STRN: variants seen among roughly 807,000 people sequenced by gnomAD.
STRN encodes striatin, also known as protein phosphatase 2 regulatory subunit B'''alpha.
STRN carries 53 observed loss-of-function variants against 96.3 expected under a neutral mutation model. The ratio of observed to expected loss-of-function variants is 0.55; its 90% CI spans 0.44 to 0.69. STRN has a LOEUF of 0.69. Ranked by LOEUF, STRN falls within the 30% of genes least tolerant of loss-of-function variation. The pLI, the probability that STRN is intolerant of heterozygous loss-of-function variation, is 0.00. For missense variants in STRN, 987 were observed against 963.9 expected, an observed-to-expected ratio of 1.02 and a Z score of -0.32; for synonymous variants, 428 against 355.9, an observed-to-expected ratio of 1.20 and a Z score of -2.28.
At chr2:36,961,896 C>T (rs1440703517) in intron 1 of STRN, among the ~76,000 whole-genome samples, 2 of 152,160 alleles carry the variant, frequency 1.3e-5, no homozygotes, top group South Asian at 2.1e-4. Context: ...ATATTCCAAG[C>T]GTGCTCCCTT....
chr2:36,889,930 C>T (rs888083), intron 7 of STRN, among the ~76,000 whole-genome samples: 60,858 of 151,964 alleles, frequency 0.4, 12,500 homozygotes, highest in East Asian at 0.54. Context: ...GTAAAATGTA[C>T]ACACATGTAT....
chr2:36,870,458 C>T (rs74448668), intron 10 of STRN, among the ~76,000 whole-genome samples: 2,223 of 152,214 alleles, frequency 0.015, 32 homozygotes, highest in Non-Finnish European at 0.021. Context: ...AAAGTACAAT[C>T]ATGTGCCACA....
rs558728709 is a variant in STRN, at chr2:36,871,277, C to T, written c.1324-1548G>A. Among the ~76,000 whole-genome samples the T allele has an allele frequency of 2.6e-5, 4 of 152,298 alleles. No individual in the cohort carries two copies. In the East Asian group the frequency reaches 7.7e-4, roughly 29 times the overall value. On this transcript the variant is annotated intron_variant, in intron 10 of 17. Transcript: ENST00000263918. ...CTCATCACTCACTCACTGACTCATT[C>T]AGAGCAACTTTCAGTCCTGCAAGCT...
chr2:36,859,071 G>A (rs1352778870), intron 13 of STRN, among the ~76,000 whole-genome samples: 1 of 152,198 alleles, frequency 6.6e-6, no homozygotes, highest in East Asian at 1.9e-4. Context: ...AGTATTACTG[G>A]AGTGTGGACT....
chr2:36,859,620 G>A (rs770387063), intron 13 of STRN, among the ~76,000 whole-genome samples: 21 of 152,214 alleles, frequency 1.4e-4, no homozygotes, highest in Non-Finnish European at 2.4e-4. Flanking sequence ...AAGTACAGAT[G>A]TAGATTCAGT....
At chr2:36,930,820 G>A (rs750798283) in intron 1 of STRN, among the ~76,000 whole-genome samples, 24 of 152,018 alleles carry the variant, frequency 1.6e-4, no homozygotes, top group Non-Finnish European at 3.5e-4. Flanking sequence ...ATCACTTGAG[G>A]TCAGGAGTTC....
intron 1 of STRN, among the ~76,000 whole-genome samples, chr2:36,941,414 A>T (rs1670841523): frequency 6.6e-6 from 1 of 152,178 alleles, no homozygotes; most frequent in African/African-American, 2.4e-5. Flanking sequence ...AGTAATGTTC[A>T]AAGCTGTTAA....
chr2:36,899,323 G>A (rs1260390269), intron 6 of STRN, among the ~76,000 whole-genome samples, 200 bp downstream of exon 6: 2 of 152,126 alleles, frequency 1.3e-5, no homozygotes, highest in African/African-American at 4.8e-5. Context: ...GTCAAACAGT[G>A]AGGAATTTCA....
chr2:36,899,159 T>C (rs1331526483), intron 6 of STRN, among the ~76,000 whole-genome samples: 2 of 152,294 alleles, frequency 1.3e-5, no homozygotes, highest in Non-Finnish European at 2.9e-5. Flanking sequence ...CTGCATATAT[T>C]AGAGCTGATG....
Position 36,892,983 on chromosome 2 carries a change from G to A in STRN, c.931+915C>T, listed in dbSNP as rs1293178236. On this transcript the variant is annotated intron_variant, in intron 7 of 17. Coordinates refer to ENST00000263918, the MANE Select transcript of STRN (RefSeq NM_003162.4). ...TGCAGTGAGCCAGGATCACGCCACT[G>A]CACTCAAGCCTGGGTGACAGAGTGA... Among the ~76,000 whole-genome samples, 7 of 152,074 alleles carry A rather than the reference G, an allele frequency of 4.6e-5. No homozygotes were observed. The East Asian group carries it at 7.7e-4, about 17-fold the overall frequency.
At chr2:36,935,251 C>A (rs758532580) in intron 1 of STRN, among the ~76,000 whole-genome samples, 2 of 152,042 alleles carry the variant, frequency 1.3e-5, no homozygotes, top group Non-Finnish European at 2.9e-5. Context: ...CTAGTCTGAG[C>A]CTACACACAC....
intron 1 of STRN, among the ~76,000 whole-genome samples, chr2:36,935,518 G>A (rs1670679926): frequency 1.3e-5 from 2 of 152,136 alleles, no homozygotes; most frequent in African/African-American, 2.4e-5. Flanking sequence ...TTTTCAGAAT[G>A]TTCACAATTT....
chr2:36,845,772 T>C lies in STRN; in HGVS notation c.*3684A>G, dbSNP rs769231721. 1 of 152,054 alleles carries C rather than the reference T, an allele frequency of 6.6e-6. No homozygotes were observed. Among genetic ancestry groups the C allele is most frequent in the Non-Finnish European group, 1.5e-5 (1 of 68,012 alleles). 9.4% of individuals were successfully genotyped at this position (152,054 alleles called of 1,614,324 possible). On this transcript the variant is annotated 3_prime_UTR_variant, in exon 18 of 18. Coordinates refer to ENST00000263918, the MANE Select transcript of STRN (RefSeq NM_003162.4). Reference sequence around the variant, plus strand: ...ATTCAAAATTCTTGGAAAGTATATATGGTGCTCAGAAGAGCACAAAGCGCA... The same window carrying C: ...ATTCAAAATTCTTGGAAAGTATATACGGTGCTCAGAAGAGCACAAAGCGCA...
chr2:36,921,621 T>A (rs1290242089), intron 2 of STRN, among the ~76,000 whole-genome samples: 2 of 152,226 alleles, frequency 1.3e-5, no homozygotes, highest in Non-Finnish European at 2.9e-5. Flanking sequence ...TCTCAAATTA[T>A]CTTTCTCATT....
At chr2:36,892,417 A>G (rs1441631023) in intron 7 of STRN, among the ~76,000 whole-genome samples, 1 of 152,192 alleles carries the variant, frequency 6.6e-6, no homozygotes, top group East Asian at 1.9e-4. Context: ...CCAAAACTGA[A>G]AGTTGAAAAA....
intron 1 of STRN, among the ~76,000 whole-genome samples, chr2:36,928,856 C>G (rs79331968): frequency 0.087 from 12,009 of 137,290 alleles, 634 homozygotes; most frequent in African/African-American, 0.16. Flanking sequence ...GGCTGAGGCA[C>G]AGAATTGCTT....
chr2:36,856,395 A>T (rs1668343259), intron 14 of STRN, among the ~76,000 whole-genome samples: 1 of 152,238 alleles, frequency 6.6e-6, no homozygotes, highest in African/African-American at 2.4e-5. Flanking sequence ...GAGACAACCC[A>T]AATATCCATC....
chr2:36,874,301 T>G (rs544190751), intron 10 of STRN, among the ~76,000 whole-genome samples: 1 of 148,700 alleles, frequency 6.7e-6, no homozygotes, highest in East Asian at 2.0e-4. Context: ...AAGACCTCAA[T>G]AGACAGGCTT....
At chr2:36,883,162 T>C (rs1254927339) in intron 9 of STRN, among the ~76,000 whole-genome samples, 2 of 152,052 alleles carry the variant, frequency 1.3e-5, no homozygotes, top group Non-Finnish European at 2.9e-5. Flanking sequence ...ATAAAAAGTA[T>C]ATACATGTGA....
Sources: gnomAD v4.1 joint callset for allele counts (sites outside exome capture counted in the v4.1 genomes callset) on GRCh38, gnomAD v4.1.1 for gene constraint, MANE v1.5 for transcripts, NCBI Gene and HGNC (gene_info 2026-07-23, HGNC 2026-07-21) for gene names.